NAV2: variants seen among roughly 807,000 people sequenced by gnomAD.
NAV2 encodes the protein neuron navigator 2.
Under a neutral mutation model 223.2 loss-of-function variants are expected in NAV2, and 54 were observed. The observed-to-expected ratio is 0.24, with a 90% CI of 0.19 to 0.30. NAV2 has a LOEUF of 0.30. NAV2 is among the 10% of genes least tolerant of loss of function. The pLI, the probability that NAV2 is intolerant of heterozygous loss-of-function variation, is 1.00. For synonymous variants in NAV2, 1,279 were observed against 1,239.3 expected (o/e 1.03, Z -0.67); for missense variants, 2,806 against 3,147.5 (o/e 0.89, Z 2.60).
chr11:19,584,358 T>A (rs1385979867), intron 1 of NAV2, among the ~76,000 whole-genome samples: 1 of 152,180 alleles, frequency 6.6e-6, no homozygotes, highest in Non-Finnish European at 1.5e-5. Flanking sequence ...TTTTGAAGGG[T>A]CTTTTGTGTC....
chr11:19,785,609 T>G (rs1295170335), intron 1 of NAV2, among the ~76,000 whole-genome samples: 1 of 151,962 alleles, frequency 6.6e-6, no homozygotes, highest in Non-Finnish European at 1.5e-5. Context: ...GAATTCATGT[T>G]TTGAAATTAA....
At chr11:19,928,982 C>T (rs919698023) in intron 6 of NAV2, among the ~76,000 whole-genome samples, 11 of 152,186 alleles carry the variant, frequency 7.2e-5, no homozygotes, top group Admixed American at 5.9e-4. Flanking sequence ...AGGCCAGGCG[C>T]GGTGGCTCAC....
At chr11:19,642,121 G>A (rs1307305138) in intron 1 of NAV2, among the ~76,000 whole-genome samples, 1 of 152,100 alleles carries the variant, frequency 6.6e-6, no homozygotes, top group African/African-American at 2.4e-5. Context: ...TCCTCTCTGG[G>A]GGATCCCACT....
chr11:19,445,596 G>A (rs1041285420), intron 1 of NAV2, among the ~76,000 whole-genome samples: 4 of 152,112 alleles, frequency 2.6e-5, no homozygotes, highest in African/African-American at 9.7e-5. Flanking sequence ...CTGGTCTCTC[G>A]AGCCACATCC....
At chr11:19,650,019 A>G (rs1270745996) in intron 1 of NAV2, among the ~76,000 whole-genome samples, 1 of 152,212 alleles carries the variant, frequency 6.6e-6, no homozygotes, top group Non-Finnish European at 1.5e-5. Context: ...ACTTTGGAAA[A>G]TGGCAGTTCT....
chr11:19,518,242 G>A (rs752494048), intron 1 of NAV2, among the ~76,000 whole-genome samples: 30 of 152,224 alleles, frequency 2.0e-4, no homozygotes, highest in Non-Finnish European at 3.1e-4. Flanking sequence ...ATGCATCTGT[G>A]ATGTTCCAGA....
chr11:19,458,180 G>A (rs977161626), intron 1 of NAV2, among the ~76,000 whole-genome samples: 3 of 152,318 alleles, frequency 2.0e-5, no homozygotes, highest in African/African-American at 7.2e-5. Context: ...AGTTCTTTGG[G>A]CCTGGTGCCC....
At chr11:19,994,057 G>T (rs1033655449) in intron 11 of NAV2, among the ~76,000 whole-genome samples, 1 of 152,166 alleles carries the variant, frequency 6.6e-6, no homozygotes, top group Non-Finnish European at 1.5e-5. Context: ...AGGACCAGAA[G>T]CATCGGGGAC....
At chr11:19,758,757 G>A (rs957614558) in intron 1 of NAV2, among the ~76,000 whole-genome samples, 3 of 152,160 alleles carry the variant, frequency 2.0e-5, no homozygotes, top group Non-Finnish European at 4.4e-5. Flanking sequence ...ACGCCAGCTC[G>A]GGCTGGTTGT....
chr11:19,838,198 G>A (rs1417424390), intron 2 of NAV2, among the ~76,000 whole-genome samples: 5 of 152,192 alleles, frequency 3.3e-5, no homozygotes, highest in South Asian at 4.1e-4. Flanking sequence ...TAGGCAGCAC[G>A]ATTGTGCCTT....
chr11:19,766,322 T>C (rs1336004392), intron 1 of NAV2, among the ~76,000 whole-genome samples: 1 of 151,998 alleles, frequency 6.6e-6, no homozygotes, highest in African/African-American at 2.4e-5. Context: ...GCCAGTTCCA[T>C]GTGCTGTCAT....
intron 1 of NAV2, among the ~76,000 whole-genome samples, chr11:19,772,239 T>C (rs2055773314): frequency 6.6e-6 from 1 of 152,212 alleles, no homozygotes; most frequent in Non-Finnish European, 1.5e-5. Context: ...ACAGTTTGCC[T>C]TCATGATCCT....
chr11:19,894,973 G>T lies in NAV2; in HGVS notation c.931+2379G>T, dbSNP rs1036028947. ...TCGAACTCCCAACCTCAGTTGATCC[G>T]CCCGCCTCTGCCTCCCAATGTGCTG... On this transcript the variant is annotated intron_variant, in intron 6 of 37. Coordinates refer to ENST00000349880, the MANE Select transcript of NAV2 (RefSeq NM_145117.5). Among the ~76,000 whole-genome samples, 3 of 151,084 alleles carry T rather than the reference G, an allele frequency of 2.0e-5. No individual in the cohort carries two copies. The East Asian group carries it at 5.9e-4, about 30-fold the overall frequency.
At chr11:19,585,204 C>T (rs2045853788) in intron 1 of NAV2, among the ~76,000 whole-genome samples, 1 of 152,130 alleles carries the variant, frequency 6.6e-6, no homozygotes, top group Admixed American at 6.5e-5. Flanking sequence ...ATTGCAACCC[C>T]TGCCTTTTTT....
chr11:19,621,389 CT>C (rs904419255), intron 1 of NAV2, among the ~76,000 whole-genome samples: 1 of 152,106 alleles, frequency 6.6e-6, no homozygotes, highest in Non-Finnish European at 1.5e-5. Flanking sequence ...TGGTCCTGGA[CT>C]TTTTTTGGTT....
intron 1 of NAV2, among the ~76,000 whole-genome samples, chr11:19,392,267 AAC>A (rs2133226061): frequency 6.6e-6 from 1 of 152,384 alleles, no homozygotes; most frequent in South Asian, 2.1e-4. Context: ...TGGATAGAAC[AAC>A]AGTTTATTTC....
At chr11:20,051,822 G>T (rs1215233612) in intron 17 of NAV2, among the ~76,000 whole-genome samples, 1 of 152,156 alleles carries the variant, frequency 6.6e-6, no homozygotes, top group Non-Finnish European at 1.5e-5. Context: ...CTTTGCCCTT[G>T]TCTAAATATT....
chr11:19,375,742 G>C (rs76543863), intron 1 of NAV2, among the ~76,000 whole-genome samples: 2,533 of 152,250 alleles, frequency 0.017, 72 homozygotes, highest in African/African-American at 0.057. Flanking sequence ...ACACTGAACT[G>C]CCCTGGAAGG....
At position 19,693,367 on chromosome 11, in the gene NAV2, A is replaced by C. The variant is rs148941365; in HGVS notation, c.76-139117A>C. Among the ~76,000 whole-genome samples, 30 of 152,242 alleles carry C rather than the reference A, an allele frequency of 2.0e-4. No homozygotes were observed. The East Asian group carries it at 5.6e-3, about 28-fold the overall frequency. Reference sequence around the variant, plus strand: ...TACAAACAACAATTTTCCATGCCCTATTTCTGTCTCCAACCAGGAGTGCCA... The same window carrying C: ...TACAAACAACAATTTTCCATGCCCTCTTTCTGTCTCCAACCAGGAGTGCCA... On this transcript the variant is annotated intron_variant, in intron 1 of 37. Coordinates refer to the NAV2 transcript ENST00000360655.
Sources: gnomAD v4.1 joint callset for allele counts (sites outside exome capture counted in the v4.1 genomes callset) on GRCh38, gnomAD v4.1.1 for gene constraint, MANE v1.5 for transcripts, NCBI Gene and HGNC (gene_info 2026-07-23, HGNC 2026-07-21) for gene names.